Variants in ZIK1 observed in about 807,000 individuals in gnomAD.
ZIK1 encodes zinc finger protein interacting with ribonucleoprotein K.
A neutral mutation model predicts 10.7 loss-of-function variants in ZIK1; 12 were observed. The ratio of observed to expected loss-of-function variants is 1.12; its 90% CI spans 0.72 to 1.81. The LOEUF is 1.81. ZIK1 is among the 40% of genes most tolerant of loss of function. ZIK1 has a pLI of 0.00. For missense variants in ZIK1, 497 were observed against 585.7 expected (o/e 0.85, Z 1.56); for synonymous variants, 190 against 205.0 (o/e 0.93, Z 0.63).
At position 57,592,956 on chromosome 19, in the gene ZIK1, A is replaced by C. The variant is rs1328762431; in HGVS notation, c.*1681A>C. 6.6e-6 allele frequency: 1 copy of C among 151,272 alleles called. No homozygotes were observed. Among genetic ancestry groups the C allele is most frequent in the Non-Finnish European group, 1.5e-5 (1 of 67,850 alleles). The allele number at this position is 151,272 out of a possible 1,614,324, so 9.4% of individuals were successfully genotyped here. On this transcript the variant is annotated 3_prime_UTR_variant, in exon 4 of 4. Transcript: ENST00000597850. ...CAGGCCTTCAGGAGTCCTGTCATTT[A>C]CTTTCCCTACAGGAGAATAGTTTGT... is the stretch of plus-strand genomic sequence containing the variant.
chr19:57,591,599 A>G lies in ZIK1; in HGVS notation c.*324A>G, dbSNP rs971087515. On this transcript the variant is annotated 3_prime_UTR_variant, in exon 4 of 4. Transcript: ENST00000597850. ...AATCTTGAGCAGTCTAAGCCTTTAG[A>G]GAAAATTCATTCTTTTTTCTGACTG... 8 of 293,334 alleles carry G rather than the reference A, an allele frequency of 2.7e-5. No homozygotes were observed. The highest frequency in any genetic ancestry group is 4.5e-5 in the Admixed American group (1 of 22,216). 18.2% of individuals were successfully genotyped at this position (293,334 alleles called of 1,614,324 possible).
chr19:57,587,406 G>A (rs540101691), intron 2 of ZIK1, among the ~76,000 whole-genome samples: 5 of 152,304 alleles, frequency 3.3e-5, no homozygotes, highest in African/African-American at 1.2e-4. Flanking sequence ...CCAGTGTGAT[G>A]GTATTTGGAG....
In ZIK1 at chr19:57,590,484, A is replaced by T. The variant is rs555692410; in HGVS notation, c.673A>T (p.Thr225Ser). The T allele has an allele frequency of 2.3e-5, 37 of 1,613,812 alleles. No individual in the cohort carries two copies. Among genetic ancestry groups the T allele is most frequent in the Non-Finnish European group, 3.0e-5 (35 of 1,180,000 alleles). Residue 225 changes from threonine to serine, a missense_variant, in exon 4 of 4, where the codon ACT becomes TCT. Coordinates refer to ENST00000597850, the MANE Select transcript of ZIK1 (RefSeq NM_001010879.4). ...ECGKASRHKH[T>S]PVYHPRVYTG... ...TGGGAAGGCTTCCAGGCACAAACAC[A>T]CTCCTGTTTACCATCCAAGAGTCTA...
At chr19:57,588,894 C>G (rs1477829924) in intron 3 of ZIK1, among the ~76,000 whole-genome samples, 1 of 151,716 alleles carries the variant, frequency 6.6e-6, no homozygotes, top group Non-Finnish European at 1.5e-5. Flanking sequence ...GTTCCTTGCT[C>G]TCTTCTTGGC....
In ZIK1 at chr19:57,590,542, G is replaced by A; in HGVS notation, c.731G>A (p.Cys244Tyr). 1.2e-6 allele frequency: 2 copies of A among 1,614,204 alleles called. No individual in the cohort carries two copies. The highest frequency in any genetic ancestry group is 1.7e-6 in the Non-Finnish European group (2 of 1,180,036). ...AAAAAGCTTTATGAGTGTAGCAAAT[G>A]TGGGAAAGCCTTCCGTGGCAAGTAC... Reference protein sequence around the residue: ...TGKKLYECSKCGKAFRGKYSL... With the variant: ...TGKKLYECSKYGKAFRGKYSL... Residue 244 changes from cysteine to tyrosine, a missense_variant, in exon 4 of 4, where the codon TGT (cysteine) becomes TAT (tyrosine). By Grantham distance (194) the Cys-to-Tyr change is radical. Transcript: ENST00000597850.
intron 2 of ZIK1, among the ~76,000 whole-genome samples, chr19:57,587,392 A>G (rs1278322223): frequency 3.3e-5 from 5 of 152,172 alleles, no homozygotes. Context: ...CTTAAAGCCT[A>G]ATTCCAGTGT....
Position 57,590,399 on chromosome 19 carries a change from A to G in ZIK1, c.588A>G (p.Thr196=), listed in dbSNP as rs1477748413. 1 of 1,614,214 alleles carries G rather than the reference A, an allele frequency of 6.2e-7. No individual in the cohort carries two copies. The highest frequency in any genetic ancestry group is 1.1e-5 in the South Asian group (1 of 91,088). The change falls in exon 4 of 4, where the codon ACA becomes ACG. Residue 196 remains threonine, a synonymous_variant. Coordinates refer to ENST00000597850, the MANE Select transcript of ZIK1 (RefSeq NM_001010879.4). ...TTCCTGGAGGCAAGAAACCCGGCAC[A>G]ATTACTGAATGTGGGGAGGACATTC... is the stretch of plus-strand genomic sequence containing the variant. ...LVFPGGKKPG[T]ITECGEDIRS...
intron 2 of ZIK1, among the ~76,000 whole-genome samples, chr19:57,586,168 G>C (rs1339121914): frequency 1.3e-5 from 2 of 152,226 alleles, no homozygotes; most frequent in Non-Finnish European, 2.9e-5. Flanking sequence ...AGTGGTTTAA[G>C]ATGGAGAAAT....
intron 1 of ZIK1, chr19:57,584,652 G>C: frequency 7.2e-7 from 1 of 1,382,746 alleles, no homozygotes; most frequent in Non-Finnish European, 9.3e-7. Flanking sequence ...GCTAGGAGCC[G>C]TGGAGGGTTG....
intron 1 of ZIK1, chr19:57,584,663 T>C (rs1361509477): frequency 7.2e-7 from 1 of 1,379,374 alleles, no homozygotes; most frequent in Non-Finnish European, 9.4e-7. Context: ...TGGAGGGTTG[T>C]GTACAGAAGC....
Position 57,591,193 on chromosome 19 carries a change from G to C in ZIK1, c.1382G>C (p.Arg461Thr). ...CACCAAGTGGTTCACACTGGAGAAA[G>C]GCCTTATGAGTGCAACAAATGTGGG... ...IQHQVVHTGE[R>T]PYECNKCGNS... The change falls in exon 4 of 4, where the codon AGG becomes ACG. Residue 461 changes from arginine to threonine, a missense_variant. Arg to Thr is a moderately conservative substitution (Grantham distance 71). Transcript: ENST00000597850. 1 of 1,614,224 alleles carries C rather than the reference G, an allele frequency of 6.2e-7. No homozygotes were observed. The highest frequency in any genetic ancestry group is 8.5e-7 in the Non-Finnish European group (1 of 1,180,028).
intron 2 of ZIK1, among the ~76,000 whole-genome samples, chr19:57,587,866 G>A (rs150043908): frequency 0.016 from 2,367 of 152,250 alleles, 38 homozygotes; most frequent in Non-Finnish European, 0.019. Context: ...GCCACTGAGA[G>A]TCTGTGCCAC....
At position 57,588,990 on chromosome 19, in the gene ZIK1, C is replaced by T. The variant is rs182284248; in HGVS notation, c.199+325C>T. 1.1e-3 allele frequency among the ~76,000 whole-genome samples: 174 copies of T among 152,228 alleles called. 2 individuals carry two copies. The highest frequency in any genetic ancestry group is 4.1e-3 in the African/African-American group (169 of 41,556). On this transcript the variant is annotated intron_variant, in intron 3 of 3. Transcript: ENST00000597850. The stretch of plus-strand genomic sequence containing the variant: ...CTAGCTGACATTTTCTTGTGGCTAC[C>T]TGTGTCATGATTGTAGTCATTGTCA...
At position 57,585,000 on chromosome 19, in the gene ZIK1, G is replaced by A. The variant is rs1470769118; in HGVS notation, c.72+10G>A. Reference sequence around the variant, plus strand: ...TATGGACCTCACAAAGGTGAGTGGAGGGTGTCCCAGGCCCTCACTGGTCCT... The same window carrying A: ...TATGGACCTCACAAAGGTGAGTGGAAGGTGTCCCAGGCCCTCACTGGTCCT... On this transcript the variant is annotated intron_variant, in intron 2 of 3. Transcript: ENST00000597850. 2 of 1,612,970 alleles carry A rather than the reference G, an allele frequency of 1.2e-6. No individual in the cohort carries two copies. The highest frequency in any genetic ancestry group is 1.7e-6 in the Non-Finnish European group (2 of 1,179,596).
rs780497939 is a variant in ZIK1 at position 57,591,277 on chromosome 19, G to A, written c.*2G>A. The A allele has an allele frequency of 5.0e-6, 8 of 1,595,464 alleles. No individual in the cohort carries two copies. Among genetic ancestry groups the A allele is most frequent in the South Asian group, 2.2e-5 (2 of 89,364 alleles). On this transcript the variant is annotated 3_prime_UTR_variant, in exon 4 of 4. Transcript: ENST00000597850. The stretch of plus-strand genomic sequence containing the variant: ...CACCAAAAATGTCATAACACATAGA[G>A]GCCTCATGAATGCAGCAAATGTGGA...
In ZIK1 at chr19:57,590,847, A is replaced by G. The variant is rs1979624662; in HGVS notation, c.1036A>G (p.Thr346Ala). ...CCTTGTTAAACACCAAAGAGTTCACACTGGAGAAAGGCCTTATAAGTGTGG... is the reference window on the plus strand; with the variant it reads ...CCTTGTTAAACACCAAAGAGTTCACGCTGGAGAAAGGCCTTATAAGTGTGG... The part of the protein sequence containing the change: ...ATLVKHQRVH[T>A]GERPYKCGEC... The change falls in exon 4 of 4, where the codon ACT becomes GCT. Residue 346 changes from threonine to alanine, a missense_variant. By Grantham distance (58) the Thr-to-Ala change is moderately conservative (BLOSUM62 0). Coordinates refer to ENST00000597850, the MANE Select transcript of ZIK1 (RefSeq NM_001010879.4). The G allele has an allele frequency of 6.2e-7, 1 of 1,613,992 alleles. No homozygotes were observed.
At chr19:57,585,578 G>A (rs2123414063) in intron 2 of ZIK1, among the ~76,000 whole-genome samples, 1 of 152,310 alleles carries the variant, frequency 6.6e-6, no homozygotes, top group African/African-American at 2.4e-5. Flanking sequence ...AATTAGGCCT[G>A]CTTGCATTTT....
Position 57,590,812 on chromosome 19 carries a change from A to G in ZIK1, c.1001A>G (p.Gln334Arg). 7 of 1,614,186 alleles carry G rather than the reference A, an allele frequency of 4.3e-6. No homozygotes were observed. Among genetic ancestry groups the G allele is most frequent in the Non-Finnish European group, 5.9e-6 (7 of 1,180,024 alleles). Residue 334 changes from glutamine (Q) to arginine (R), a missense_variant, in exon 4 of 4, where the codon CAA (glutamine) becomes CGA (arginine). Coordinates refer to ENST00000597850, the MANE Select transcript of ZIK1 (RefSeq NM_001010879.4). ...AGCCAGTGTGGGAAATCCTTTAGCC[A>G]AAAAGCCACCCTTGTTAAACACCAA... Reference protein sequence around the residue: ...ECSQCGKSFSQKATLVKHQRV... With the variant: ...ECSQCGKSFSRKATLVKHQRV...
rs1979436560 is a variant in ZIK1, at chr19:57,589,206, C to G, written c.199+541C>G. ...TTGGCTTCATGAAGGTCCCACATAG[C>G]TAGACAACTGAGGGTGTGCAGAGAA... On this transcript the variant is annotated intron_variant, in intron 3 of 3. Transcript: ENST00000597850. 14 of 958,706 alleles carry G rather than the reference C, an allele frequency of 1.5e-5. No individual in the cohort carries two copies. The South Asian group carries it at 2.9e-4, about 20-fold the overall frequency. 59.4% of individuals were successfully genotyped at this position (958,706 alleles called of 1,614,324 possible).
Sources: gnomAD v4.1 joint callset for allele counts (sites outside exome capture counted in the v4.1 genomes callset) on GRCh38, gnomAD v4.1.1 for gene constraint, MANE v1.5 for transcripts, NCBI Gene and HGNC (gene_info 2026-07-23, HGNC 2026-07-21) for gene names.